PDE8A: variants seen among roughly 807,000 people sequenced by gnomAD.
PDE8A encodes the protein phosphodiesterase 8A.
Under a neutral mutation model 105.0 loss-of-function variants are expected in PDE8A, and 59 were observed. The observed-to-expected ratio is 0.56, with a 90% CI of 0.46 to 0.70. The LOEUF (loss-of-function observed/expected upper bound fraction) is 0.70. PDE8A is among the 30% of genes least tolerant of loss of function. The probability of loss-of-function intolerance (pLI) is 0.00; values close to 1 mark genes in which losing one functional copy is unlikely to be tolerated. For synonymous variants in PDE8A, 355 were observed against 371.9 expected (o/e 0.95, Z 0.52); for missense variants, 1,014 against 1,045.9 (o/e 0.97, Z 0.42).
chr15:85,105,252 T>C (rs1275116982), intron 11 of PDE8A, among the ~76,000 whole-genome samples: 1 of 152,058 alleles, frequency 6.6e-6, no homozygotes, highest in East Asian at 1.9e-4. Context: ...CTGGAGAAAG[T>C]GAGCTTTCTT....
chr15:85,101,562 C>A (rs955614229), intron 11 of PDE8A, among the ~76,000 whole-genome samples: 1 of 152,126 alleles, frequency 6.6e-6, no homozygotes, highest in African/African-American at 2.4e-5. Flanking sequence ...CATCTGTGGA[C>A]AGTGGGAGTC....
chr15:85,130,801 C>T (rs1415148858), intron 20 of PDE8A, among the ~76,000 whole-genome samples: 1 of 152,186 alleles, frequency 6.6e-6, no homozygotes, highest in African/African-American at 2.4e-5. Context: ...TAATGTCCTT[C>T]CAGGCTGGAG....
intron 1 of PDE8A, among the ~76,000 whole-genome samples, chr15:85,046,065 C>CTTTTTTTTTT (rs34486009): frequency 1.6e-5 from 2 of 124,448 alleles, no homozygotes; most frequent in African/African-American, 2.9e-5. Flanking sequence ...CTTTCTGTTT[C>CTTTTTTTTTT]TTTTTTTTTT....
intron 1 of PDE8A, among the ~76,000 whole-genome samples, chr15:85,055,396 T>C (rs1346439998): frequency 1.3e-5 from 2 of 152,204 alleles, no homozygotes; most frequent in East Asian, 1.9e-4. Context: ...ATCTGTCTAA[T>C]GTTGACAGTG....
At chr15:84,999,489 G>A (rs1281743286) in intron 1 of PDE8A, among the ~76,000 whole-genome samples, 1 of 152,132 alleles carries the variant, frequency 6.6e-6, no homozygotes, top group African/African-American at 2.4e-5. Flanking sequence ...CTTACCATGG[G>A]CTAGGAACTG....
rs185929965 is a variant in PDE8A, at chr15:85,135,173, C to T, written c.2254-1361C>T. ...AGTTCTGCCAGCTACCAGAGCCTGG[C>T]TGTGATGGGGTGAGCTCTGCTGGCC... On this transcript the variant is annotated intron_variant, in intron 20 of 21. Coordinates refer to ENST00000394553, the MANE Select transcript of PDE8A (RefSeq NM_002605.3). 3.4e-4 allele frequency among the ~76,000 whole-genome samples: 52 copies of T among 152,252 alleles called. 1 individual carries two copies. The highest frequency in any genetic ancestry group is 9.6e-4 in the African/African-American group (40 of 41,546).
chr15:85,050,147 T>C (rs2080949998), intron 1 of PDE8A, among the ~76,000 whole-genome samples: 1 of 152,186 alleles, frequency 6.6e-6, no homozygotes, highest in Non-Finnish European at 1.5e-5. Context: ...TATGTTCAAG[T>C]CCTTTGCCCA....
At chr15:85,065,456 C>T (rs1207979505) in intron 2 of PDE8A, among the ~76,000 whole-genome samples, 1 of 144,018 alleles carries the variant, frequency 6.9e-6, no homozygotes, top group Non-Finnish European at 1.5e-5. Context: ...ACAATGTGCA[C>T]ATGTACCCTA....
chr15:85,109,433 A>ATATTGTTCAATATAATTG (rs2081990644), intron 12 of PDE8A, among the ~76,000 whole-genome samples: 1 of 152,254 alleles, frequency 6.6e-6, no homozygotes, highest in African/African-American at 2.4e-5. Flanking sequence ...AATTGTTTGA[A>ATATTGTTCAATATAATTG]TTTGATAATT....
intron 1 of PDE8A, among the ~76,000 whole-genome samples, chr15:85,041,197 A>G (rs2080802450): frequency 2.0e-5 from 3 of 152,258 alleles, no homozygotes; most frequent in South Asian, 2.1e-4. Flanking sequence ...GTTACTTTTA[A>G]TGGGAAAAAA....
At chr15:85,009,530 C>G (rs890182977) in intron 1 of PDE8A, among the ~76,000 whole-genome samples, 1 of 152,164 alleles carries the variant, frequency 6.6e-6, no homozygotes, top group Non-Finnish European at 1.5e-5. Context: ...GAAGTACTCA[C>G]AAGGATTTCA....
intron 1 of PDE8A, among the ~76,000 whole-genome samples, chr15:85,030,121 T>G (rs1167632717): frequency 6.6e-6 from 1 of 152,172 alleles, no homozygotes; most frequent in African/African-American, 2.4e-5. Flanking sequence ...CAACCTCCCT[T>G]TGGTTACTTC....
chr15:85,046,699 G>C (rs541605531), intron 1 of PDE8A, among the ~76,000 whole-genome samples: 15 of 152,228 alleles, frequency 9.9e-5, no homozygotes, highest in African/African-American at 3.6e-4. Context: ...TAAAAACAAA[G>C]CAGGCAAGGG....
chr15:85,113,725 G>T (rs994240573), intron 13 of PDE8A, 148 bp from the exon 14 acceptor site: 3 of 660,910 alleles, frequency 4.5e-6, no homozygotes, highest in Non-Finnish European at 7.8e-6. Flanking sequence ...CATTTCTGTT[G>T]CCCAGGCTAG....
chr15:85,114,843 G>A (rs1229047255), intron 14 of PDE8A, among the ~76,000 whole-genome samples: 2 of 152,146 alleles, frequency 1.3e-5, no homozygotes, highest in African/African-American at 2.4e-5. Context: ...AGGGATGGGG[G>A]TAGGATAGTG....
At chr15:85,012,861 G>A (rs146032385) in intron 1 of PDE8A, among the ~76,000 whole-genome samples, 195 of 152,000 alleles carry the variant, frequency 1.3e-3, no homozygotes, top group African/African-American at 4.5e-3. Flanking sequence ...TTTACCCTTG[G>A]GAACAAAGAA....
At chr15:85,093,463 C>G (rs1046846458) in intron 8 of PDE8A, among the ~76,000 whole-genome samples, 2 of 152,224 alleles carry the variant, frequency 1.3e-5, no homozygotes, top group Non-Finnish European at 2.9e-5. Flanking sequence ...ATTCAGGCAT[C>G]TGCTGGAGAC....
At chr15:85,124,962 C>T (rs1255003913) in intron 19 of PDE8A, among the ~76,000 whole-genome samples, 1 of 152,186 alleles carries the variant, frequency 6.6e-6, no homozygotes, top group African/African-American at 2.4e-5. Flanking sequence ...GACTGAAAAT[C>T]AATATCCAGT....
At chr15:85,085,753 A>G (rs889499165) in intron 6 of PDE8A, among the ~76,000 whole-genome samples, 1 of 151,480 alleles carries the variant, frequency 6.6e-6, no homozygotes, top group African/African-American at 2.4e-5. Flanking sequence ...CACGCCTGTA[A>G]TCTCTGCACT....
Sources: gnomAD v4.1 joint callset for allele counts (sites outside exome capture counted in the v4.1 genomes callset) on GRCh38, gnomAD v4.1.1 for gene constraint, MANE v1.5 for transcripts, NCBI Gene and HGNC (gene_info 2026-07-23, HGNC 2026-07-21) for gene names.